The following FGF14 variants were observed in gnomAD, a reference collection of about 807,000 sequenced individuals.
The protein encoded by FGF14 is fibroblast growth factor 14.
FGF14 carries 5 observed loss-of-function variants against 25.5 expected under a neutral mutation model. The observed-to-expected ratio is 0.20, with a 90% CI of 0.10 to 0.41. FGF14 has a LOEUF of 0.41. Among genes scored for constraint, FGF14 ranks in the 10% least tolerant of loss-of-function variants. The pLI is 1.00. For missense variants in FGF14, 222 were observed against 320.1 expected (o/e 0.69, Z 2.34); for synonymous variants, 138 against 118.3 (o/e 1.17, Z -1.08).
chr13:101,803,295 A>G (rs561042280), intron 3 of FGF14, among the ~76,000 whole-genome samples: 1 of 152,010 alleles, frequency 6.6e-6, no homozygotes, highest in African/African-American at 2.4e-5. Context: ...CACTCAGCTA[A>G]TTAAAAAAAA....
At chr13:101,993,777 A>G (rs1406038684) in intron 1 of FGF14, among the ~76,000 whole-genome samples, 2 of 151,990 alleles carry the variant, frequency 1.3e-5, no homozygotes, top group Non-Finnish European at 2.9e-5. Flanking sequence ...AGGCAAAAAA[A>G]TGGAGGAAAA....
chr13:101,966,196 C>G (rs2037183182), intron 1 of FGF14, among the ~76,000 whole-genome samples: 1 of 152,140 alleles, frequency 6.6e-6, no homozygotes, highest in African/African-American at 2.4e-5. Flanking sequence ...ATGAGGTCAT[C>G]AGGGTGGGCT....
intron 1 of FGF14, among the ~76,000 whole-genome samples, chr13:102,004,163 G>T (rs1332741206): frequency 6.6e-6 from 1 of 152,162 alleles, no homozygotes; most frequent in African/African-American, 2.4e-5. Flanking sequence ...TACTCCATCA[G>T]GTTGGAAGGT....
At chr13:101,870,975 A>AATACATACATACATAC (rs202103201) in intron 2 of FGF14, among the ~76,000 whole-genome samples, 19 of 150,492 alleles carry the variant, frequency 1.3e-4, no homozygotes, top group East Asian at 7.9e-4. Context: ...TAAATAAATA[A>AATACATACATACATAC]ATACATACAT....
intron 1 of FGF14, among the ~76,000 whole-genome samples, chr13:102,242,545 T>G (rs1210239455): frequency 6.6e-6 from 1 of 152,008 alleles, no homozygotes; most frequent in Non-Finnish European, 1.5e-5. Flanking sequence ...AATTTGTTAT[T>G]TTATAAGGAA....
At chr13:102,133,531 A>G (rs1358895188) in intron 1 of FGF14, among the ~76,000 whole-genome samples, 2 of 152,256 alleles carry the variant, frequency 1.3e-5, no homozygotes, top group Non-Finnish European at 2.9e-5. Flanking sequence ...CATAATATGT[A>G]AAGTAAGAGA....
At chr13:102,364,867 G>A (rs1014801494) in intron 1 of FGF14, among the ~76,000 whole-genome samples, 3 of 152,146 alleles carry the variant, frequency 2.0e-5, no homozygotes, top group East Asian at 1.9e-4. Context: ...ACTGGAAACC[G>A]CACACATATG....
In FGF14 at chr13:102,058,157, GCCA is replaced by G. The variant is rs374324663; in HGVS notation, c.209-182864_209-182862del. Among the ~76,000 whole-genome samples the G allele has an allele frequency of 1.8e-3, 272 of 152,316 alleles. No homozygotes were observed. In the Middle Eastern group the frequency reaches 0.02, roughly 11 times the overall value. ...AAGCTAAGGCTTTGTGACAGCCACA[GCCA>G]CCACAACATGTCTCCTGCTTATATG... On this transcript the variant is annotated intron_variant, in intron 1 of 4. Transcript: ENST00000376131.
At chr13:101,755,773 T>C (rs2037607180) in intron 3 of FGF14, among the ~76,000 whole-genome samples, 2 of 152,230 alleles carry the variant, frequency 1.3e-5, no homozygotes, top group African/African-American at 4.8e-5. Context: ...GCATTTTTTC[T>C]CTTTCAACTC....
Position 101,958,952 on chromosome 13 carries a change from T to G in FGF14, c.209-83656A>C, listed in dbSNP as rs151263122. Among the ~76,000 whole-genome samples, 378 of 152,298 alleles carry G rather than the reference T, an allele frequency of 2.5e-3. 2 individuals are homozygous for G. The highest frequency in any genetic ancestry group is 0.02 in the Middle Eastern group (6 of 294). Reference sequence around the variant, plus strand: ...TCCCTATGGATAAGACTTATTGAGATACACAATCAGAGATTTGCCATTACT... The same window carrying G: ...TCCCTATGGATAAGACTTATTGAGAGACACAATCAGAGATTTGCCATTACT... On this transcript the variant is annotated intron_variant, in intron 1 of 4. Coordinates refer to the FGF14 transcript ENST00000376131.
chr13:102,260,452 C>A (rs2141114199), intron 1 of FGF14, among the ~76,000 whole-genome samples: 1 of 152,340 alleles, frequency 6.6e-6, no homozygotes, highest in East Asian at 1.9e-4. Context: ...GCTGGGCTCC[C>A]TAGAGCCTCT....
intron 1 of FGF14, among the ~76,000 whole-genome samples, chr13:102,279,349 A>G (rs1459502392): frequency 3.9e-5 from 6 of 152,150 alleles, no homozygotes; most frequent in African/African-American, 1.4e-4. Flanking sequence ...ACTATTTCTT[A>G]TTGTTGAAGG....
intron 1 of FGF14, among the ~76,000 whole-genome samples, chr13:101,985,022 C>G (rs780826877): frequency 1.3e-5 from 2 of 149,862 alleles, no homozygotes; most frequent in Non-Finnish European, 3.0e-5. Flanking sequence ...ATCATAAAAC[C>G]ATATAGATTG....
chr13:101,813,410 CT>C (rs2041676946), intron 3 of FGF14, among the ~76,000 whole-genome samples: 2 of 152,310 alleles, frequency 1.3e-5, no homozygotes, highest in South Asian at 4.2e-4. Context: ...TCTCCCCACT[CT>C]TCTGCCATGT....
rs754592545 is a variant in FGF14, at chr13:101,821,028, G to A, written c.408+47697C>T. 5.5e-4 allele frequency among the ~76,000 whole-genome samples: 81 copies of A among 147,142 alleles called. 1 individual carries two copies. The highest frequency in any genetic ancestry group is 3.4e-3 in the Middle Eastern group (1 of 290). On this transcript the variant is annotated intron_variant, in intron 3 of 4. Coordinates refer to ENST00000376143, the MANE Select transcript of FGF14 (RefSeq NM_004115.4). ...AGTGGCATGATCTCGGCTCACTGCA[G>A]GCTCCGCCCCCCGGGATTCACGCCA... is the stretch of plus-strand genomic sequence containing the variant.
chr13:102,166,415 A>G (rs540511709), intron 1 of FGF14, among the ~76,000 whole-genome samples: 1 of 152,278 alleles, frequency 6.6e-6, no homozygotes, highest in South Asian at 2.1e-4. Context: ...CAAGTGCAGC[A>G]TAGAGGAAAA....
intron 1 of FGF14, among the ~76,000 whole-genome samples, chr13:102,137,931 G>A (rs1004318306): frequency 7.3e-5 from 11 of 150,054 alleles, no homozygotes; most frequent in Non-Finnish European, 1.2e-4. Flanking sequence ...GGAGAAAAGC[G>A]CTCAGCCTAG....
At chr13:101,945,144 C>T in intron 1 of FGF14, among the ~76,000 whole-genome samples, 1 of 152,016 alleles carries the variant, frequency 6.6e-6, no homozygotes, top group Non-Finnish European at 1.5e-5. Context: ...CATGGAGAAA[C>T]CCCATCTCTA....
At chr13:102,183,315 C>T (rs972760416) in intron 1 of FGF14, among the ~76,000 whole-genome samples, 2 of 152,006 alleles carry the variant, frequency 1.3e-5, no homozygotes, top group Non-Finnish European at 2.9e-5. Context: ...GAGTTCAAAA[C>T]ATATTCATCT....
Sources: gnomAD v4.1 joint callset for allele counts (sites outside exome capture counted in the v4.1 genomes callset) on GRCh38, gnomAD v4.1.1 for gene constraint, MANE v1.5 for transcripts, NCBI Gene and HGNC (gene_info 2026-07-23, HGNC 2026-07-21) for gene names.